COLEC10: variants seen among roughly 807,000 people sequenced by gnomAD.
COLEC10 encodes the protein collectin subfamily member 10, also known as collectin-10.
COLEC10 carries 22 observed loss-of-function variants against 28.4 expected under a neutral mutation model. That is an observed-to-expected ratio of 0.78 (90% CI 0.55 to 1.11). The LOEUF is 1.11. Among genes scored for constraint, COLEC10 ranks in the 50% least tolerant of loss-of-function variants. The probability of loss-of-function intolerance (pLI) is 0.00; values close to 1 mark genes in which losing one functional copy is unlikely to be tolerated. For missense variants in COLEC10, 361 were observed against 344.1 expected (o/e 1.05, Z -0.39); for synonymous variants, 125 against 116.1 (o/e 1.08, Z -0.49).
chr8:119,078,821 T>C (rs892668381), intron 1 of COLEC10, among the ~76,000 whole-genome samples: 1 of 151,776 alleles, frequency 6.6e-6, no homozygotes, highest in Non-Finnish European at 1.5e-5. Context: ...GCAATTACTT[T>C]AACACCAACC....
At chr8:118,962,331 T>C in the COLEC10 span, among the ~76,000 whole-genome samples, 3 of 152,234 alleles carry the variant, frequency 2.0e-5, no homozygotes, top group Non-Finnish European at 4.4e-5. Flanking sequence ...TAAAGGAAGT[T>C]TTGTTGAGTG....
chr8:119,102,034 C>A (rs1815839714), intron 3 of COLEC10, among the ~76,000 whole-genome samples: 1 of 152,034 alleles, frequency 6.6e-6, no homozygotes, highest in African/African-American at 2.4e-5. Flanking sequence ...TTCTTACAAA[C>A]CCTGCTGGAA....
chr8:118,984,261 G>A, the COLEC10 span, among the ~76,000 whole-genome samples: 12 of 151,964 alleles, frequency 7.9e-5, no homozygotes, highest in African/African-American at 1.9e-4. Flanking sequence ...ATGTTCTTAC[G>A]TATAAGTGGG....
chr8:119,034,994 G>A (rs1814360940), intron 2 of COLEC10, among the ~76,000 whole-genome samples: 1 of 152,178 alleles, frequency 6.6e-6, no homozygotes, highest in Non-Finnish European at 1.5e-5. Context: ...AGTATTCTGA[G>A]TTAGCGGCAA....
At chr8:119,085,599 C>CTTCTTTTTTTTTTTTTTTTTTTTTTTTTT (rs1563739053) in intron 1 of COLEC10, among the ~76,000 whole-genome samples, 1 of 63,554 alleles carries the variant, frequency 1.6e-5, no homozygotes, top group Non-Finnish European at 3.4e-5. Context: ...TCTTCTTCTT[C>CTTCTTTTTTTTTTTTTTTTTTTTTTTTTT]TTTTTTTTTT....
At chr8:118,954,997 C>A in the COLEC10 span, among the ~76,000 whole-genome samples, 1 of 152,204 alleles carries the variant, frequency 6.6e-6, no homozygotes, top group Non-Finnish European at 1.5e-5. Flanking sequence ...CTTGTGCCTA[C>A]ACTTCCTCAC....
intron 2 of COLEC10, among the ~76,000 whole-genome samples, chr8:119,060,991 G>C (rs1349349896): frequency 6.6e-6 from 1 of 151,940 alleles, no homozygotes; most frequent in Non-Finnish European, 1.5e-5. Context: ...AACTATAATG[G>C]ATAGATTTAG....
intron 2 of COLEC10, among the ~76,000 whole-genome samples, chr8:119,057,234 C>T (rs1410934955): frequency 6.6e-6 from 1 of 152,018 alleles, no homozygotes; most frequent in Non-Finnish European, 1.5e-5. Context: ...TTCACTTGCT[C>T]TTCTTTCTCA....
At chr8:119,052,627 A>G (rs1419373042) in intron 2 of COLEC10, among the ~76,000 whole-genome samples, 2 of 152,114 alleles carry the variant, frequency 1.3e-5, no homozygotes, top group Non-Finnish European at 2.9e-5. Flanking sequence ...GATAAAAATA[A>G]TATCTGTGGA....
chr8:119,066,871 G>A (rs995272491), upstream of COLEC10, among the ~76,000 whole-genome samples: 5 of 152,142 alleles, frequency 3.3e-5, no homozygotes, highest in African/African-American at 9.7e-5. Flanking sequence ...AGCCATGCAC[G>A]GTGTTTGCAT....
intron 1 of COLEC10, among the ~76,000 whole-genome samples, chr8:119,084,056 T>A (rs907076704): frequency 6.6e-6 from 1 of 152,222 alleles, no homozygotes; most frequent in Non-Finnish European, 1.5e-5. Context: ...GCTTGCTTTT[T>A]ATGTTTTTAT....
intron 2 of COLEC10, among the ~76,000 whole-genome samples, chr8:119,036,284 T>G (rs918972128): frequency 1.3e-5 from 2 of 152,234 alleles, no homozygotes; most frequent in Non-Finnish European, 2.9e-5. Flanking sequence ...CAAAACGTAC[T>G]GTTGAGTACT....
At chr8:119,090,771 G>A (rs1563740917) in intron 2 of COLEC10, among the ~76,000 whole-genome samples, 1 of 152,110 alleles carries the variant, frequency 6.6e-6, no homozygotes, top group African/African-American at 2.4e-5. Context: ...TTAAAAGAGA[G>A]AAGAAATAGA....
chr8:118,987,862 A>C, the COLEC10 span, among the ~76,000 whole-genome samples: 1 of 152,162 alleles, frequency 6.6e-6, no homozygotes, highest in African/African-American at 2.4e-5. Flanking sequence ...AAACTGATAA[A>C]ACTTTTTATA....
intron 1 of COLEC10, among the ~76,000 whole-genome samples, chr8:118,995,917 CT>C (rs1251978999): frequency 5.3e-5 from 8 of 151,944 alleles, no homozygotes. Context: ...GATATACCCC[CT>C]GAACAAGTTT....
At chr8:119,029,700 T>A (rs1279014901) in intron 2 of COLEC10, among the ~76,000 whole-genome samples, 4 of 139,788 alleles carry the variant, frequency 2.9e-5, no homozygotes, top group African/African-American at 1.1e-4. Context: ...ACCTGTTCCC[T>A]AGTTTCAAGG....
At chr8:119,003,911 T>C (rs1813743187) in intron 1 of COLEC10, among the ~76,000 whole-genome samples, 1 of 152,072 alleles carries the variant, frequency 6.6e-6, no homozygotes, top group Non-Finnish European at 1.5e-5. Context: ...CCTAGCCTCT[T>C]GAAGGGCTCA....
chr8:118,969,713 T>G, the COLEC10 span, among the ~76,000 whole-genome samples: 2 of 151,514 alleles, frequency 1.3e-5, no homozygotes, highest in African/African-American at 4.9e-5. Flanking sequence ...TTTTTTAAAT[T>G]CAGCTCCTTA....
At chr8:119,016,602 C>A (rs1255985878) in intron 2 of COLEC10, among the ~76,000 whole-genome samples, 2 of 152,144 alleles carry the variant, frequency 1.3e-5, no homozygotes, top group East Asian at 3.8e-4. Context: ...AATTACCACA[C>A]TGTCTTCCAC....
Sources: gnomAD v4.1 joint callset for allele counts (sites outside exome capture counted in the v4.1 genomes callset) on GRCh38, gnomAD v4.1.1 for gene constraint, MANE v1.5 for transcripts, NCBI Gene and HGNC (gene_info 2026-07-23, HGNC 2026-07-21) for gene names.